ARHGEF39: variants seen among roughly 807,000 people sequenced by gnomAD.
ARHGEF39 encodes the protein Rho guanine nucleotide exchange factor (GEF) 39.
A neutral mutation model predicts 47.5 loss-of-function variants in ARHGEF39; 45 were observed. That is an observed-to-expected ratio of 0.95 (90% CI 0.75 to 1.22). ARHGEF39 has a LOEUF of 1.22. ARHGEF39 is among the 50% of genes most tolerant of loss of function. ARHGEF39 has a pLI of 0.00. For synonymous variants in ARHGEF39, 164 were observed against 167.8 expected, an observed-to-expected ratio of 0.98 and a Z score of 0.17; for missense variants, 411 against 425.3, an observed-to-expected ratio of 0.97 and a Z score of 0.30.
In ARHGEF39 at chr9:35,661,747, G is replaced by A. The variant is rs1823962335; in HGVS notation, c.*240C>T. The stretch of plus-strand genomic sequence containing the variant: ...CAGGCTGGTCTTGAACTCCTGGGCT[G>A]GAATGATCCTGCCACCTCTGCTTCC... On this transcript the variant is annotated 3_prime_UTR_variant, in exon 9 of 9. Transcript: ENST00000378387. 3 of 496,666 alleles carry A rather than the reference G, an allele frequency of 6.0e-6. No homozygotes were observed. Among genetic ancestry groups the A allele is most frequent in the Admixed American group, 7.1e-5 (2 of 28,196 alleles). The allele number at this position is 496,666 out of a possible 1,614,324, so 30.8% of individuals were successfully genotyped here.
At chr9:35,662,843 A>T in intron 6 of ARHGEF39, 102 bp from the exon 7 acceptor site, 1 of 1,554,094 alleles carries the variant, frequency 6.4e-7, no homozygotes. Flanking sequence ...GGGTCAGTAC[A>T]GGAAGAAGGG....
At position 35,662,983 on chromosome 9, in the gene ARHGEF39, A is replaced by C; in HGVS notation, c.636T>G (p.Ala212=). The change falls in exon 6 of 9, where the codon GCT becomes GCG. Residue 212 remains alanine (A), a synonymous_variant. Transcript: ENST00000378387. The part of the protein sequence containing the change: ...KNDQHLRRVQ[A]LLSGRQAKGL... The stretch of plus-strand genomic sequence containing the variant: ...CCTTTGCCTGGCGTCCACTGAGCAG[A>C]GCCTGGACACGCCGAAGGTGCTGGT... 1 of 1,610,156 alleles carries C rather than the reference A, an allele frequency of 6.2e-7. No homozygotes were observed. The highest frequency in any genetic ancestry group is 1.1e-5 in the South Asian group (1 of 90,774).
At position 35,661,259 on chromosome 9, in the gene ARHGEF39, G is replaced by T; in HGVS notation, c.*728C>A. On this transcript the variant is annotated 3_prime_UTR_variant, in exon 9 of 9. Coordinates refer to ENST00000378387, the MANE Select transcript of ARHGEF39 (RefSeq NM_032818.3). ...CCATACTAGGTGCCTAAGGACAACT[G>T]GGCCTTCTTGAAGAGCTGTCCTTAT... 9.0e-7 allele frequency: 1 copy of T among 1,106,418 alleles called. No homozygotes were observed. The highest frequency in any genetic ancestry group is 1.3e-6 in the Non-Finnish European group (1 of 768,618). The allele number at this position is 1,106,418 out of a possible 1,614,324, so 68.5% of individuals were successfully genotyped here.
chr9:35,664,884 G>A, intron 1 of ARHGEF39, 34 bp from the exon 2 acceptor site: 2 of 1,596,442 alleles, frequency 1.3e-6, no homozygotes, highest in Non-Finnish European at 8.5e-7. Context: ...TCTTAGCCTA[G>A]AGGAAGAGAA....
chr9:35,664,962 G>T, intron 1 of ARHGEF39, 70 bp downstream of exon 1: 1 of 1,507,588 alleles, frequency 6.6e-7, no homozygotes, highest in South Asian at 1.3e-5. Context: ...CCGGGTTACC[G>T]ACCTCGCAGA....
At position 35,660,977 on chromosome 9, in the gene ARHGEF39, G is replaced by A. The variant is rs758752401; in HGVS notation, c.*1010C>T. 2 of 1,614,166 alleles carry A rather than the reference G, an allele frequency of 1.2e-6. No individual in the cohort carries two copies. The highest frequency in any genetic ancestry group is 1.7e-6 in the Non-Finnish European group (2 of 1,180,034). ...CTCTTCCTGAGGACTTCTGTTTAAA[G>A]GAGGACGAGGAGGAGATTGGTGACA... On this transcript the variant is annotated 3_prime_UTR_variant, in exon 9 of 9. Coordinates refer to ENST00000378387, the MANE Select transcript of ARHGEF39 (RefSeq NM_032818.3).
In ARHGEF39 at chr9:35,660,168, G is replaced by T; in HGVS notation, c.*1819C>A. On this transcript the variant is annotated 3_prime_UTR_variant, in exon 9 of 9. Coordinates refer to ENST00000378387, the MANE Select transcript of ARHGEF39 (RefSeq NM_032818.3). The stretch of plus-strand genomic sequence containing the variant: ...CCACCAGAGCTTTTTTCAAACCGGA[G>T]GGAGTTGCTCATTCCTGGAGGTGTT... 2.2e-6 allele frequency: 1 copy of T among 454,416 alleles called. No individual in the cohort carries two copies. The highest frequency in any genetic ancestry group is 4.0e-5 in the Admixed American group (1 of 24,838). 28.1% of individuals were successfully genotyped at this position (454,416 alleles called of 1,614,324 possible).
At position 35,662,171 on chromosome 9, in the gene ARHGEF39, C is replaced by A; in HGVS notation, c.992+8G>T. The A allele has an allele frequency of 3.1e-6, 5 of 1,613,792 alleles. No homozygotes were observed. The highest frequency in any genetic ancestry group is 1.1e-5 in the South Asian group (1 of 91,078). On this transcript the variant is annotated splice_region_variant and intron_variant, in intron 8 of 8. Coordinates refer to ENST00000378387, the MANE Select transcript of ARHGEF39 (RefSeq NM_032818.3). The stretch of plus-strand genomic sequence containing the variant: ...ACAGCACCCTTCCTGGGGGAAGACA[C>A]AACTTACCTGATAGCCCAAGTCAGA...
In ARHGEF39 at chr9:35,663,343, G is replaced by A; in HGVS notation, c.523C>T (p.Pro175Ser). The A allele has an allele frequency of 6.2e-7, 1 of 1,614,000 alleles. No homozygotes were observed. The highest frequency in any genetic ancestry group is 8.5e-7 in the Non-Finnish European group (1 of 1,179,928). The change falls in exon 5 of 9, where the codon CCT (proline) becomes TCT (serine). Residue 175 changes from proline to serine, a missense_variant. Coordinates refer to ENST00000378387, the MANE Select transcript of ARHGEF39 (RefSeq NM_032818.3). ...ALAENTGPNS[P>S]DHQQLTRAAR... ...CTACGTGTGAGCTGTTGATGGTCAG[G>A]GCTGTTGGGACCTGTGTTTTCAGCC...
chr9:35,663,228 A>G (rs1490416001), intron 5 of ARHGEF39, 94 bp downstream of exon 5: 2 of 1,558,708 alleles, frequency 1.3e-6, no homozygotes, highest in Non-Finnish European at 8.9e-7. Context: ...TCAGTGGAAG[A>G]TAGGGTCATA....
rs1474550347 is a variant in ARHGEF39 at position 35,663,942 on chromosome 9, C to T, written c.473+66G>A. 6 of 1,527,668 alleles carry T rather than the reference C, an allele frequency of 3.9e-6. No individual in the cohort carries two copies. In the Admixed American group the frequency reaches 6.8e-5, roughly 17 times the overall value. The allele number at this position is 1,527,668 out of a possible 1,614,324, so 94.6% of individuals were successfully genotyped here. A position where few individuals can be genotyped will look rare whatever the true frequency, so the allele number is the denominator to read the frequency against. On this transcript the variant is annotated intron_variant, in intron 4 of 8. Coordinates refer to ENST00000378387, the MANE Select transcript of ARHGEF39 (RefSeq NM_032818.3). ...TTGGGATCGACCCCAAGGCATCCCACAAAGCTGAGGGCAGCAGTCATACAA... is the reference window on the plus strand; with the variant it reads ...TTGGGATCGACCCCAAGGCATCCCATAAAGCTGAGGGCAGCAGTCATACAA...
At position 35,663,340 on chromosome 9, in the gene ARHGEF39, C is replaced by T. The variant is rs1200132593; in HGVS notation, c.526G>A (p.Asp176Asn). The T allele has an allele frequency of 6.2e-7, 1 of 1,614,066 alleles. No homozygotes were observed. The highest frequency in any genetic ancestry group is 8.5e-7 in the Non-Finnish European group (1 of 1,179,944). ...AACCTACGTGTGAGCTGTTGATGGT[C>T]AGGGCTGTTGGGACCTGTGTTTTCA... ...LAENTGPNSPDHQQLTRAARL... is the reference protein window; with the variant it reads ...LAENTGPNSPNHQQLTRAARL... The change falls in exon 5 of 9, where the codon GAC (aspartate) becomes AAC (asparagine). Residue 176 changes from aspartate (D) to asparagine (N), a missense_variant. By Grantham distance (23) the Asp-to-Asn change is conservative. Transcript: ENST00000378387.
chr9:35,660,521 T>TA lies in ARHGEF39; in HGVS notation c.*1465dup. The stretch of plus-strand genomic sequence containing the variant: ...AGTTTAGGGGACAGCAGAAGATACA[T>TA]AACCACTTCTGCCCCCTTTTTTCCC... On this transcript the variant is annotated 3_prime_UTR_variant, in exon 9 of 9. Transcript: ENST00000378387. 1.9e-6 allele frequency: 3 copies of TA among 1,613,002 alleles called. No individual in the cohort carries two copies. The highest frequency in any genetic ancestry group is 2.5e-6 in the Non-Finnish European group (3 of 1,179,072).
Position 35,665,064 on chromosome 9 carries a change from G to A in ARHGEF39, c.106C>T (p.Arg36Cys), listed in dbSNP as rs1824163875. ...TARELLETERRYQEQLGLVAT... is the reference protein window; with the variant it reads ...TARELLETERCYQEQLGLVAT... ...ACCAGCCCCAGCTGTTCTTGGTAGC[G>A]CCGCTCGGTCTCTAGCAGCTCCCGG... The change falls in exon 1 of 9, where the codon CGC becomes TGC. Residue 36 changes from arginine to cysteine, a missense_variant. Arg to Cys is a radical substitution (Grantham distance 180, BLOSUM62 -3). Transcript: ENST00000378387. 4.5e-6 allele frequency: 7 copies of A among 1,564,214 alleles called. No individual in the cohort carries two copies. The highest frequency in any genetic ancestry group is 3.5e-5 in the South Asian group (3 of 85,616).
rs763375153 is a variant in ARHGEF39, at chr9:35,663,019, T to C, written c.600A>G (p.Lys200=). The C allele has an allele frequency of 6.2e-7, 1 of 1,611,408 alleles. No individual in the cohort carries two copies. Among genetic ancestry groups the C allele is most frequent in the African/African-American group, 1.3e-5 (1 of 74,928 alleles). The change falls in exon 6 of 9, where the codon AAA becomes AAG. Residue 200 remains lysine (K), a synonymous_variant. Coordinates refer to ENST00000378387, the MANE Select transcript of ARHGEF39 (RefSeq NM_032818.3). ...TAQRVHTIGQ[K]QKNDQHLRRV... is the part of the protein sequence containing the mutation. ...GCCGAAGGTGCTGGTCATTCTTCTG[T>C]TTCTGACCAATAGTATGGACTCTCT...
At position 35,661,155 on chromosome 9, in the gene ARHGEF39, G is replaced by A. The variant is rs1391751043; in HGVS notation, c.*832C>T. On this transcript the variant is annotated 3_prime_UTR_variant, in exon 9 of 9. Coordinates refer to ENST00000378387, the MANE Select transcript of ARHGEF39 (RefSeq NM_032818.3). ...TGGCTGGGAAGGAGGGACGACAGCT[G>A]AAGGTCGACTAAAACAAAGTCTGTT... The A allele has an allele frequency of 1.2e-6, 2 of 1,607,378 alleles. No individual in the cohort carries two copies. The highest frequency in any genetic ancestry group is 8.5e-7 in the Non-Finnish European group (1 of 1,175,938).
chr9:35,660,350 T>C lies in ARHGEF39; in HGVS notation c.*1637A>G. 6.7e-7 allele frequency: 1 copy of C among 1,485,014 alleles called. No homozygotes were observed. The highest frequency in any genetic ancestry group is 9.1e-7 in the Non-Finnish European group (1 of 1,101,004). 92.0% of individuals were successfully genotyped at this position (1,485,014 alleles called of 1,614,324 possible). On this transcript the variant is annotated 3_prime_UTR_variant, in exon 9 of 9. Transcript: ENST00000378387. ...TGGCTGGCTCTGGAGACTGAGGTGA[T>C]GGAGCAGAACCTTGTTGCTTCAGTA...
chr9:35,662,469 T>G (rs1245669847), intron 7 of ARHGEF39, 43 bp downstream of exon 7: 1 of 1,571,058 alleles, frequency 6.4e-7, no homozygotes, highest in Non-Finnish European at 8.7e-7. Flanking sequence ...CCCATAAGCA[T>G]CTGAGACATA....
At position 35,661,791 on chromosome 9, in the gene ARHGEF39, G is replaced by A; in HGVS notation, c.*196C>T. 1.6e-6 allele frequency: 1 copy of A among 612,942 alleles called. No homozygotes were observed. The highest frequency in any genetic ancestry group is 2.8e-6 in the Non-Finnish European group (1 of 358,678). 38.0% of individuals were successfully genotyped at this position (612,942 alleles called of 1,614,324 possible). A position where few individuals can be genotyped will look rare whatever the true frequency, so the allele number is the denominator to read the frequency against. On this transcript the variant is annotated 3_prime_UTR_variant, in exon 9 of 9. Transcript: ENST00000378387. ...TGCTTCCCAAAGTGCTGGGATTACA[G>A]GCATGAGCCACTGTGCCTGGCCGTG... is the stretch of plus-strand genomic sequence containing the variant.
Sources: gnomAD v4.1 joint callset for allele counts on GRCh38, gnomAD v4.1.1 for gene constraint, MANE v1.5 for transcripts, NCBI Gene and HGNC (gene_info 2026-07-23, HGNC 2026-07-21) for gene names.